The following RANBP2 variants were observed in gnomAD, a reference collection of about 807,000 sequenced individuals.
RANBP2 encodes RAN binding protein 2.
In RANBP2, 57 loss-of-function variants were observed where a neutral mutation model predicts 303.6. That is an observed-to-expected ratio of 0.19 (90% confidence interval 0.15 to 0.23). The LOEUF (loss-of-function observed/expected upper bound fraction) is 0.23. Among genes scored for constraint, RANBP2 ranks in the 10% least tolerant of loss-of-function variants. The pLI is 1.00. For missense variants in RANBP2, 3,138 were observed against 3,780.8 expected, an observed-to-expected ratio of 0.83 and a Z score of 4.46; for synonymous variants, 1,167 against 1,301.5, an observed-to-expected ratio of 0.90 and a Z score of 2.23.
chr2:109,306,345 A>G, the RANBP2 span, among the ~76,000 whole-genome samples: 11 of 152,000 alleles, frequency 7.2e-5, no homozygotes, highest in African/African-American at 2.2e-4. Context: ...CCTGCCTCCA[A>G]CCCCTGCGCA....
the RANBP2 span, among the ~76,000 whole-genome samples, chr2:109,384,015 A>G: frequency 0.24 from 36,512 of 152,156 alleles, 5,419 homozygotes; most frequent in African/African-American, 0.42. Flanking sequence ...AAGGCAGCCC[A>G]TCCTTTCCAT....
chr2:108,930,735 G>A, the RANBP2 span, among the ~76,000 whole-genome samples: 2 of 152,168 alleles, frequency 1.3e-5, no homozygotes, highest in African/African-American at 2.4e-5. Context: ...AATCAAGAAC[G>A]TTTATATCCA....
the RANBP2 span, chr2:108,798,366 G>C: frequency 6.4e-7 from 1 of 1,557,964 alleles, no homozygotes; most frequent in Non-Finnish European, 8.7e-7. Flanking sequence ...TCAGCCAATA[G>C]GAATATAATT....
At chr2:109,398,592 C>T in the RANBP2 span, 2 of 1,558,240 alleles carry the variant, frequency 1.3e-6, no homozygotes, top group Non-Finnish European at 1.7e-6. Flanking sequence ...TCACTCAGCT[C>T]AATGACTCCG....
At chr2:108,874,484 CT>C in the RANBP2 span, among the ~76,000 whole-genome samples, 1 of 152,136 alleles carries the variant, frequency 6.6e-6, no homozygotes, top group Non-Finnish European at 1.5e-5. Flanking sequence ...CACCTTCTAT[CT>C]CAACTCATTT....
At chr2:109,005,979 G>A in the RANBP2 span, among the ~76,000 whole-genome samples, 1 of 152,268 alleles carries the variant, frequency 6.6e-6, no homozygotes, top group Non-Finnish European at 1.5e-5. Flanking sequence ...GAAGCACAGA[G>A]GTCACATGAG....
At chr2:109,610,571 C>T in the RANBP2 span, among the ~76,000 whole-genome samples, 1 of 152,092 alleles carries the variant, frequency 6.6e-6, no homozygotes, top group African/African-American at 2.4e-5. Context: ...AAAAAATTAG[C>T]CGGGCGTGGT....
At chr2:109,314,305 A>C in the RANBP2 span, among the ~76,000 whole-genome samples, 2 of 152,198 alleles carry the variant, frequency 1.3e-5, no homozygotes, top group East Asian at 3.9e-4. Flanking sequence ...TGAAATGGTT[A>C]AACTGATAAA....
the RANBP2 span, among the ~76,000 whole-genome samples, chr2:109,695,892 TG>T: frequency 6.6e-6 from 1 of 152,078 alleles, no homozygotes; most frequent in Non-Finnish European, 1.5e-5. Flanking sequence ...GGACAGGATT[TG>T]GGGGGAACTT....
the RANBP2 span, among the ~76,000 whole-genome samples, chr2:108,997,777 G>A: frequency 1.3e-5 from 2 of 152,200 alleles, no homozygotes; most frequent in South Asian, 4.2e-4. Flanking sequence ...TGTAATCCCA[G>A]CTACTTGGGA....
the RANBP2 span, among the ~76,000 whole-genome samples, chr2:109,143,809 TACAC>T: frequency 3.7e-4 from 55 of 148,826 alleles, no homozygotes; most frequent in East Asian, 2.8e-3. Context: ...CTGTGCTGTA[TACAC>T]ACACACACAC....
At chr2:109,545,146 TG>T in the RANBP2 span, 1 of 985,362 alleles carries the variant, frequency 1.0e-6, no homozygotes, top group Non-Finnish European at 1.2e-6. Flanking sequence ...GTGGGGAACA[TG>T]GGAGCATGCA....
the RANBP2 span, among the ~76,000 whole-genome samples, chr2:108,994,931 G>A: frequency 6.7e-6 from 1 of 149,500 alleles, no homozygotes; most frequent in African/African-American, 2.5e-5. Context: ...CCGGGTTCAC[G>A]CCATTCTCCT....
intron 1 of RANBP2, among the ~76,000 whole-genome samples, chr2:108,728,055 A>G (rs1211016871): frequency 6.6e-6 from 1 of 152,182 alleles, no homozygotes; most frequent in Non-Finnish European, 1.5e-5. Flanking sequence ...AGAACAGTAC[A>G]TGGACCAGGG....
At chr2:109,615,135 C>G in the RANBP2 span, 7 of 1,549,718 alleles carry the variant, frequency 4.5e-6, no homozygotes, top group Non-Finnish European at 6.1e-6. Flanking sequence ...CTCCCCGCAG[C>G]TGAAGAGGAG....
chr2:108,943,011 G>C, the RANBP2 span, among the ~76,000 whole-genome samples: 1 of 152,186 alleles, frequency 6.6e-6, no homozygotes, highest in Non-Finnish European at 1.5e-5. Flanking sequence ...CACCGGGCAG[G>C]TGACCCGCAT....
the RANBP2 span, among the ~76,000 whole-genome samples, chr2:109,020,970 G>A: frequency 6.6e-6 from 1 of 152,210 alleles, no homozygotes; most frequent in Non-Finnish European, 1.5e-5. Context: ...GGCACACCCA[G>A]GCGACTCCCC....
At chr2:109,702,606 A>G in the RANBP2 span, among the ~76,000 whole-genome samples, 1 of 152,182 alleles carries the variant, frequency 6.6e-6, no homozygotes, top group Non-Finnish European at 1.5e-5. Context: ...ACAGTAAGAC[A>G]TACCCTTGTA....
the RANBP2 span, among the ~76,000 whole-genome samples, chr2:109,568,779 C>T: frequency 7.2e-5 from 11 of 152,242 alleles, no homozygotes; most frequent in Middle Eastern, 3.4e-3. Flanking sequence ...CTTTGTGCCT[C>T]GTTTCAGGAC....
Sources: allele counts gnomAD v4.1 joint callset (sites outside exome capture counted in the v4.1 genomes callset), GRCh38; gene constraint gnomAD v4.1.1; transcripts MANE v1.5; gene names NCBI Gene and HGNC (gene_info 2026-07-23, HGNC 2026-07-21).